Variants in GLTP observed in about 807,000 individuals in gnomAD.
GLTP encodes the protein glycolipid transfer protein.
Under a neutral mutation model 24.0 loss-of-function variants are expected in GLTP, and 22 were observed. The ratio of observed to expected loss-of-function variants is 0.92; its 90% confidence interval spans 0.65 to 1.31. The LOEUF is 1.31. GLTP is among the 50% of genes most tolerant of loss of function. The pLI is 0.00. For synonymous variants in GLTP, 92 were observed against 115.9 expected, an observed-to-expected ratio of 0.79 and a Z score of 1.33; for missense variants, 224 against 276.6, an observed-to-expected ratio of 0.81 and a Z score of 1.35.
Position 109,851,374 on chromosome 12 carries a change from A to C in GLTP, c.*1181T>G, listed in dbSNP as rs930624414. 2 of 152,210 alleles carry C rather than the reference A, an allele frequency of 1.3e-5. No individual in the cohort carries two copies. Among genetic ancestry groups the C allele is most frequent in the Admixed American group, 6.5e-5 (1 of 15,276 alleles). The allele number at this position is 152,210 out of a possible 1,614,324, so 9.4% of individuals were successfully genotyped here. A position where few individuals can be genotyped will look rare whatever the true frequency, so the allele number is the denominator to read the frequency against. On this transcript the variant is annotated 3_prime_UTR_variant, in exon 5 of 5. Coordinates refer to ENST00000318348, the MANE Select transcript of GLTP (RefSeq NM_016433.4). The stretch of plus-strand genomic sequence containing the variant: ...GTAAAACAACAACAACAACAACAAA[A>C]AACAACCAGAAAAAAGAAAACAAAC...
chr12:109,853,755 A>T (rs1032211907), intron 4 of GLTP, among the ~76,000 whole-genome samples: 4 of 151,386 alleles, frequency 2.6e-5, no homozygotes, highest in East Asian at 2.0e-4. Flanking sequence ...TATTTAAAAA[A>T]TTTTTTTAGA....
rs1413201440 is a variant in GLTP at position 109,866,964 on chromosome 12, T to G, written c.104-8223A>C. The stretch of plus-strand genomic sequence containing the variant: ...TTTTTTTTTTACCTTTTGTAGAGAC[T>G]GGGACTCACTATACCATTGCCCAGG... On this transcript the variant is annotated intron_variant, in intron 1 of 4. Transcript: ENST00000318348. Among the ~76,000 whole-genome samples the G allele has an allele frequency of 2.8e-5, 4 of 144,560 alleles. No individual in the cohort carries two copies. In the East Asian group the frequency reaches 8.1e-4, roughly 29 times the overall value. 94.8% of individuals were successfully genotyped at this position (144,560 alleles called of 152,430 possible).
In GLTP at chr12:109,852,278, C is replaced by T. The variant is rs186522293; in HGVS notation, c.*277G>A. The T allele has an allele frequency of 1.2e-4, 35 of 303,248 alleles. No homozygotes were observed. Among genetic ancestry groups the T allele is most frequent in the East Asian group, 6.3e-4 (11 of 17,356 alleles). 18.8% of individuals were successfully genotyped at this position (303,248 alleles called of 1,614,324 possible). A position where few individuals can be genotyped will look rare whatever the true frequency, so the allele number is the denominator to read the frequency against. On this transcript the variant is annotated 3_prime_UTR_variant, in exon 5 of 5. Coordinates refer to ENST00000318348, the MANE Select transcript of GLTP (RefSeq NM_016433.4). ...TAGAAGTGTTAATCGGTTTTTACCA[C>T]GCTGAAATGAAGGTATAAAGTCAGT...
At chr12:109,858,052 G>T (rs1327135450) in intron 2 of GLTP, 2 of 450,742 alleles carry the variant, frequency 4.4e-6, no homozygotes, top group South Asian at 3.2e-5. Context: ...GTGGAAATAG[G>T]TTCCGAGGAT....
intron 1 of GLTP, among the ~76,000 whole-genome samples, chr12:109,863,262 T>G (rs1399525032): frequency 6.6e-6 from 1 of 152,220 alleles, no homozygotes; most frequent in Non-Finnish European, 1.5e-5. Flanking sequence ...AAAAGTAATG[T>G]CAGGTTTTTT....
chr12:109,870,398 G>C (rs1308435871), intron 1 of GLTP, among the ~76,000 whole-genome samples: 1 of 151,920 alleles, frequency 6.6e-6, no homozygotes, highest in Non-Finnish European at 1.5e-5. Flanking sequence ...CCTAGGGGGA[G>C]GGTGGAGGTT....
intron 1 of GLTP, among the ~76,000 whole-genome samples, chr12:109,870,618 A>G (rs1868691027): frequency 6.6e-6 from 1 of 152,242 alleles, no homozygotes. Context: ...CCAATGATTA[A>G]GAAATCAAAG....
At chr12:109,869,456 CTT>C (rs1218490016) in intron 1 of GLTP, among the ~76,000 whole-genome samples, 6 of 115,030 alleles carry the variant, frequency 5.2e-5, no homozygotes, top group Non-Finnish European at 5.2e-5. Context: ...TGGGAAAATT[CTT>C]TTTTTTTTTT....
intron 1 of GLTP, among the ~76,000 whole-genome samples, chr12:109,861,759 G>A (rs1305085667): frequency 2.0e-5 from 3 of 152,052 alleles, no homozygotes; most frequent in African/African-American, 7.2e-5. Flanking sequence ...AAAAAAATAA[G>A]GCACCAAACA....
chr12:109,879,474 A>G (rs1396701594), intron 1 of GLTP, among the ~76,000 whole-genome samples: 1 of 152,288 alleles, frequency 6.6e-6, no homozygotes, highest in East Asian at 1.9e-4. Context: ...CAATGCGCCC[A>G]GGAACTTCCA....
At chr12:109,856,249 T>C (rs1291810921) in intron 3 of GLTP, among the ~76,000 whole-genome samples, 1 of 152,192 alleles carries the variant, frequency 6.6e-6, no homozygotes, top group East Asian at 1.9e-4. Context: ...TCTTTCTAAG[T>C]CTGCTACGGT....
intron 2 of GLTP, among the ~76,000 whole-genome samples, chr12:109,858,359 A>C (rs1892828939): frequency 2.0e-5 from 3 of 152,182 alleles, no homozygotes; most frequent in South Asian, 4.1e-4. Flanking sequence ...GAGAAGGGGA[A>C]GGCCAGACCA....
intron 1 of GLTP, among the ~76,000 whole-genome samples, chr12:109,865,319 C>A (rs11832113): frequency 0.49 from 74,676 of 151,902 alleles, 18,943 homozygotes; most frequent in Admixed American, 0.58. Context: ...TCTTCTTCTT[C>A]TTATTTTTTA....
rs376707225 is a variant in GLTP, at chr12:109,878,248, C to T, written c.103+2024G>A. The stretch of plus-strand genomic sequence containing the variant: ...AATGATGATACCCCCAAATACAGAA[C>T]GGATGTGCAACCTCGCTGAAAATAA... On this transcript the variant is annotated intron_variant, in intron 1 of 4. Transcript: ENST00000318348. Among the ~76,000 whole-genome samples, 11 of 152,254 alleles carry T rather than the reference C, an allele frequency of 7.2e-5. No individual in the cohort carries two copies. In the East Asian group the frequency reaches 1.5e-3, roughly 21 times the overall value.
Position 109,857,746 on chromosome 12 carries a change from G to T in GLTP, c.163-87C>A, listed in dbSNP as rs543954265. On this transcript the variant is annotated intron_variant, in intron 2 of 4. Transcript: ENST00000318348. This position sits in a 1 kb window ranked among gnomAD's most constrained non-coding sequence, Gnocchi z 4.3. ...ACGCTGGGTGAAAAGCACCCTACCG[G>T]CATCTCCTGCTCCTTCCTGCCCTCC... 1.3e-5 allele frequency: 17 copies of T among 1,317,714 alleles called. No individual in the cohort carries two copies. Among genetic ancestry groups the T allele is most frequent in the East Asian group, 1.1e-4 (5 of 43,504 alleles). The allele number at this position is 1,317,714 out of a possible 1,614,324, so 81.6% of individuals were successfully genotyped here. A position where few individuals can be genotyped will look rare whatever the true frequency, so the allele number is the denominator to read the frequency against.
chr12:109,859,692 A>G (rs1424044882), intron 1 of GLTP: 1 of 152,176 alleles, frequency 6.6e-6, no homozygotes, highest in Non-Finnish European at 1.5e-5. Flanking sequence ...GAGCTGTACA[A>G]TGTGTTTTTT....
intron 4 of GLTP, 33 bp from the exon 5 acceptor site, chr12:109,852,770 C>T (rs368352896): frequency 1.1e-4 from 162 of 1,498,372 alleles, no homozygotes; most frequent in Non-Finnish European, 1.4e-4. Context: ...GTAGGCACAG[C>T]GTTAGCGGGG....
At chr12:109,875,526 C>T (rs1827509114) in intron 1 of GLTP, among the ~76,000 whole-genome samples, 1 of 152,184 alleles carries the variant, frequency 6.6e-6, no homozygotes, top group African/African-American at 2.4e-5. Flanking sequence ...CCCTGCCCTC[C>T]CATTGTTAAT....
chr12:109,872,416 T>C (rs1424008548), intron 1 of GLTP, among the ~76,000 whole-genome samples: 1 of 152,150 alleles, frequency 6.6e-6, no homozygotes, highest in Non-Finnish European at 1.5e-5. Flanking sequence ...CTTCCACTCA[T>C]CTGTCCACGG....
Sources: gnomAD v4.1 joint callset for allele counts (sites outside exome capture counted in the v4.1 genomes callset) on GRCh38, gnomAD v4.1.1 for gene constraint, Gnocchi (gnomAD v3.1) non-coding constraint, MANE v1.5 for transcripts, NCBI Gene and HGNC (gene_info 2026-07-23, HGNC 2026-07-21) for gene names.